The following GSE1 variants were observed in gnomAD, a reference collection of about 807,000 sequenced individuals.
GSE1 encodes the protein genetic suppressor element 1.
A neutral mutation model predicts 112.6 loss-of-function variants in GSE1; 32 were observed. The ratio of observed to expected loss-of-function variants is 0.28; its 90% CI spans 0.21 to 0.38. The LOEUF (loss-of-function observed/expected upper bound fraction) is 0.38. Ranked by LOEUF, GSE1 falls within the 10% of genes least tolerant of loss-of-function variation. The probability of loss-of-function intolerance (pLI) is 1.00; values close to 1 mark genes in which losing one functional copy is unlikely to be tolerated. For synonymous variants in GSE1, 1,115 were observed against 735.6 expected (o/e 1.52, Z -8.35); for missense variants, 2,348 against 1,699.2 (o/e 1.38, Z -6.71).
rs117563129 is a variant in GSE1, at chr16:85,251,451, C to G, written c.2283+79644C>G. 1.8e-3 allele frequency among the ~76,000 whole-genome samples: 274 copies of G among 152,390 alleles called. 1 individual carries two copies. Among genetic ancestry groups the G allele is most frequent in the Middle Eastern group, 3.4e-3 (1 of 294 alleles). ...GGCTGAGCTGCAGCACAGTCCTGTT[C>G]TCTGTTTCCCTGGGCTCAGCAGGAA... On this transcript the variant is annotated intron_variant, in intron 1 of 2. Coordinates refer to the GSE1 transcript ENST00000637419.
chr16:85,452,724 C>A (rs1030401768), intron 2 of GSE1, among the ~76,000 whole-genome samples: 1 of 152,198 alleles, frequency 6.6e-6, no homozygotes, highest in African/African-American at 2.4e-5. Context: ...ACCCTCAGCA[C>A]AGGTCCTGGG....
intron 2 of GSE1, among the ~76,000 whole-genome samples, chr16:85,382,342 C>G (rs181625472): frequency 6.6e-5 from 10 of 152,310 alleles, no homozygotes; most frequent in East Asian, 3.9e-4. Context: ...ACCAGACCCT[C>G]TGAGACAGGA....
intron 1 of GSE1, among the ~76,000 whole-genome samples, chr16:85,233,826 T>C (rs1904331472): frequency 6.6e-6 from 1 of 152,138 alleles, no homozygotes; most frequent in African/African-American, 2.4e-5. Flanking sequence ...GGCTGCCTGC[T>C]CAGCCCAAGT....
chr16:85,255,681 G>A (rs886755909), intron 1 of GSE1, among the ~76,000 whole-genome samples: 12 of 152,026 alleles, frequency 7.9e-5, no homozygotes, highest in Non-Finnish European at 1.8e-4. Flanking sequence ...GGGATTACAG[G>A]CGTGAGCCAC....
intron 2 of GSE1, among the ~76,000 whole-genome samples, chr16:85,416,510 C>T (rs1387805111): frequency 6.6e-6 from 1 of 152,196 alleles, no homozygotes; most frequent in Admixed American, 6.5e-5. Flanking sequence ...GGTGCAGCCC[C>T]TGCCACGTGG....
rs1445115229 is a variant in GSE1 at position 85,394,099 on chromosome 16, C to T, written c.2464+36456C>T. Among the ~76,000 whole-genome samples the T allele has an allele frequency of 2.6e-5, 4 of 152,104 alleles. No individual in the cohort carries two copies. The East Asian group carries it at 7.7e-4, about 29-fold the overall frequency. On this transcript the variant is annotated intron_variant, in intron 2 of 2. Coordinates refer to the GSE1 transcript ENST00000637419. ...ACTGCTGGCTCCGGGTTGTTGACCC[C>T]CTGGGAGAATGAACATTCGGGCTGT...
intron 7 of GSE1, 107 bp from the exon 8 acceptor site, chr16:85,657,170 C>CT: frequency 2.6e-6 from 2 of 778,970 alleles, no homozygotes; most frequent in South Asian, 1.9e-5. Context: ...GGGAAGAACC[C>CT]TTTGGAAGGG....
At chr16:85,494,069 G>C (rs530117363) in intron 2 of GSE1, among the ~76,000 whole-genome samples, 1 of 152,354 alleles carries the variant, frequency 6.6e-6, no homozygotes, top group African/African-American at 2.4e-5. Context: ...GTAAGACTCT[G>C]TCTCAAACAA....
intron 1 of GSE1, among the ~76,000 whole-genome samples, chr16:85,271,324 C>A (rs554543052): frequency 1.3e-5 from 2 of 152,178 alleles, no homozygotes; most frequent in Admixed American, 1.3e-4. Context: ...CTTCCCCGCG[C>A]TCCTGCCTGT....
At chr16:85,536,427 G>A (rs1179303829) in intron 2 of GSE1, among the ~76,000 whole-genome samples, 1 of 152,230 alleles carries the variant, frequency 6.6e-6, no homozygotes, top group East Asian at 1.9e-4. Context: ...TTCCCAGGGA[G>A]GAGGAGGGTC....
chr16:85,283,816 A>G (rs1423293355), intron 1 of GSE1, among the ~76,000 whole-genome samples: 6 of 152,214 alleles, frequency 3.9e-5, no homozygotes, highest in Non-Finnish European at 5.9e-5. Flanking sequence ...CATTTTATGG[A>G]TGAGGAAACT....
intron 1 of GSE1, among the ~76,000 whole-genome samples, chr16:85,308,656 AAAG>A (rs1165284019): frequency 6.6e-6 from 1 of 152,080 alleles, no homozygotes; most frequent in Admixed American, 6.5e-5. Context: ...GTATAGCCAC[AAAG>A]AAGAACATAT....
intron 1 of GSE1, among the ~76,000 whole-genome samples, chr16:85,600,388 C>T (rs934648652): frequency 1.3e-5 from 2 of 151,618 alleles, no homozygotes; most frequent in African/African-American, 4.9e-5. Flanking sequence ...AAGATGTCAC[C>T]CAGGCCTGAT....
chr16:85,206,389 G>T (rs71389103), intron 1 of GSE1, among the ~76,000 whole-genome samples: 3,489 of 152,290 alleles, frequency 0.023, 103 homozygotes, highest in East Asian at 0.12. Flanking sequence ...TTGTGTTCCA[G>T]CAAGGAGAAC....
At chr16:85,299,123 G>A (rs2045447814) in intron 1 of GSE1, among the ~76,000 whole-genome samples, 4 of 152,334 alleles carry the variant, frequency 2.6e-5, no homozygotes, top group South Asian at 2.1e-4. Context: ...ATGGTGTTAG[G>A]TCAGTCAAAT....
chr16:85,639,586 G>C (rs1419514129), intron 2 of GSE1, among the ~76,000 whole-genome samples: 1 of 152,256 alleles, frequency 6.6e-6, no homozygotes, highest in Non-Finnish European at 1.5e-5. Flanking sequence ...AATAAGAGGT[G>C]TTTGCCCCGA....
At chr16:85,191,657 C>T (rs991023028) in intron 1 of GSE1, among the ~76,000 whole-genome samples, 13 of 152,172 alleles carry the variant, frequency 8.5e-5, no homozygotes, top group Non-Finnish European at 1.6e-4. Flanking sequence ...CTTCACGCCC[C>T]GGCATGAACA....
chr16:85,335,337 G>A (rs565391235), intron 1 of GSE1, among the ~76,000 whole-genome samples: 24 of 152,386 alleles, frequency 1.6e-4, no homozygotes, highest in African/African-American at 5.5e-4. Context: ...GTGGAGGGCC[G>A]TACTGTCTTG....
chr16:85,553,706 C>T (rs940686626), upstream of GSE1, among the ~76,000 whole-genome samples: 2 of 152,152 alleles, frequency 1.3e-5, no homozygotes, highest in South Asian at 2.1e-4. Context: ...CCGCCCAGCT[C>T]ATTTAAGAAT....
Sources: gnomAD v4.1 joint callset for allele counts (sites outside exome capture counted in the v4.1 genomes callset) on GRCh38, gnomAD v4.1.1 for gene constraint, MANE v1.5 for transcripts, NCBI Gene and HGNC (gene_info 2026-07-23, HGNC 2026-07-21) for gene names.